Variants in EPHA4 observed in about 807,000 individuals in gnomAD.
The protein encoded by EPHA4 is ephrin type-A receptor 4.
In EPHA4, 19 loss-of-function variants were observed where a neutral mutation model predicts 108.3. The observed-to-expected ratio is 0.18, with a 90% CI of 0.12 to 0.26. The LOEUF is 0.26. Ranked by LOEUF, EPHA4 falls within the 10% of genes least tolerant of loss-of-function variation. EPHA4 has a pLI of 1.00. For missense variants in EPHA4, 917 were observed against 1,254.0 expected (o/e 0.73, Z 4.06); for synonymous variants, 449 against 455.5 (o/e 0.99, Z 0.18).
chr2:221,573,479 C>G (rs1355075089), upstream of EPHA4: 2 of 152,300 alleles, frequency 1.3e-5, no homozygotes, highest in African/African-American at 4.8e-5. The surrounding 1 kb of genome is among the most constrained non-coding windows in gnomAD (Gnocchi z 4.5). Flanking sequence ...GGACCGGTCC[C>G]CAACGCCACT....
intron 3 of EPHA4, among the ~76,000 whole-genome samples, chr2:221,536,058 CA>C (rs1693661077): frequency 6.6e-6 from 1 of 152,176 alleles, no homozygotes; most frequent in Admixed American, 6.5e-5. Flanking sequence ...TACAGTTTAC[CA>C]AGTTCCTATT....
At chr2:221,529,769 C>G (rs554227026) in intron 3 of EPHA4, among the ~76,000 whole-genome samples, 1 of 152,132 alleles carries the variant, frequency 6.6e-6, no homozygotes. Flanking sequence ...TCTCCAACAC[C>G]GAGGGTTTCT....
chr2:221,432,903 C>A (rs758327785), intron 14 of EPHA4, among the ~76,000 whole-genome samples: 5 of 146,826 alleles, frequency 3.4e-5, no homozygotes, highest in Non-Finnish European at 5.9e-5. Context: ...CTGCTCACTG[C>A]AATCTCTGCC....
chr2:221,445,263 C>G (rs1690556466), intron 9 of EPHA4, among the ~76,000 whole-genome samples: 1 of 152,132 alleles, frequency 6.6e-6, no homozygotes, highest in South Asian at 2.1e-4. Flanking sequence ...GTGGACAGCT[C>G]TCCTGGATAG....
intron 17 of EPHA4, among the ~76,000 whole-genome samples, chr2:221,423,775 A>C (rs189310640): frequency 0.058 from 8,821 of 151,084 alleles, 314 homozygotes; most frequent in Non-Finnish European, 0.075. Flanking sequence ...AAAAAAAAAA[A>C]CTTTTAATTA....
intron 3 of EPHA4, among the ~76,000 whole-genome samples, chr2:221,527,511 G>A (rs894635617): frequency 6.6e-5 from 10 of 152,184 alleles, no homozygotes; most frequent in Admixed American, 5.9e-4. Context: ...GGCCCACTGA[G>A]AGTCCACTCT....
rs576770487 is a variant in EPHA4 at position 221,533,870 on chromosome 2, C to A, written c.823+29861G>T. Among the ~76,000 whole-genome samples the A allele has an allele frequency of 2.7e-3, 412 of 152,172 alleles. 4 individuals are homozygous for A. Among genetic ancestry groups the A allele is most frequent in the Admixed American group, 4.6e-3 (70 of 15,286 alleles). On this transcript the variant is annotated intron_variant, in intron 3 of 17. Transcript: ENST00000281821. The stretch of plus-strand genomic sequence containing the variant: ...GTCACTTCTGGATACCATTGACAGG[C>A]AGACTCTTTGCCACCTTGGGTGCAT...
rs146027958 is a variant in EPHA4 at position 221,556,919 on chromosome 2, G to T, written c.823+6812C>A. On this transcript the variant is annotated intron_variant, in intron 3 of 17. Coordinates refer to ENST00000281821, the MANE Select transcript of EPHA4 (RefSeq NM_004438.5). ...AAAAAACATAATGTATAAGGGTTTG[G>T]TACTATTTGAGCTTTCAGCATCTAT... 1.8e-3 allele frequency among the ~76,000 whole-genome samples: 279 copies of T among 152,182 alleles called. 2 individuals are homozygous for T. Among genetic ancestry groups the T allele is most frequent in the African/African-American group, 6.4e-3 (267 of 41,518 alleles).
At chr2:221,472,660 G>A (rs1691525464) in intron 5 of EPHA4, among the ~76,000 whole-genome samples, 1 of 152,132 alleles carries the variant, frequency 6.6e-6, no homozygotes, top group South Asian at 2.1e-4. Context: ...TTGTGTACTG[G>A]AAGATATGAA....
At chr2:221,563,252 G>A (rs1471144421) in intron 3 of EPHA4, among the ~76,000 whole-genome samples, 1 of 152,136 alleles carries the variant, frequency 6.6e-6, no homozygotes, top group African/African-American at 2.4e-5. Context: ...TTCTTCACTC[G>A]ATTTTAGTCA....
chr2:221,502,264 A>G (rs1692509335), intron 3 of EPHA4, among the ~76,000 whole-genome samples: 1 of 152,134 alleles, frequency 6.6e-6, no homozygotes, highest in African/African-American at 2.4e-5. Context: ...CCAGATAAAA[A>G]TTGACCAACA....
At chr2:221,545,226 TCACGAGGTCGAGGTGGGC>T in intron 3 of EPHA4, among the ~76,000 whole-genome samples, 1 of 22,948 alleles carries the variant, frequency 4.4e-5, no homozygotes, top group East Asian at 4.7e-4. Flanking sequence ...GGTGGGCGGA[TCACGAGGTCGAGGTGGGC>T]GGATCACGAG....
intron 4 of EPHA4, among the ~76,000 whole-genome samples, chr2:221,499,804 C>T (rs1267960066): frequency 2.5e-5 from 3 of 122,312 alleles, no homozygotes; most frequent in African/African-American, 9.5e-5. Context: ...GTCACCCAGG[C>T]TGGAATGTAA....
intron 4 of EPHA4, among the ~76,000 whole-genome samples, chr2:221,488,721 A>G (rs1367242): frequency 0.42 from 63,995 of 151,950 alleles, 13,563 homozygotes; most frequent in East Asian, 0.53. Context: ...AAAATATCAC[A>G]TCATATCATG....
At chr2:221,462,135 T>C (rs191293309) in intron 5 of EPHA4, among the ~76,000 whole-genome samples, 1 of 152,190 alleles carries the variant, frequency 6.6e-6, no homozygotes, top group East Asian at 1.9e-4. Context: ...CATTCTTTAA[T>C]GGCTAGAATT....
intron 4 of EPHA4, among the ~76,000 whole-genome samples, chr2:221,486,504 A>G (rs1691976876): frequency 6.6e-6 from 1 of 151,954 alleles, no homozygotes; most frequent in Admixed American, 6.6e-5. Context: ...GCCAAAGTGG[A>G]TCACCTGAGG....
At chr2:221,501,218 T>C (rs2276627) in intron 3 of EPHA4, 46 bp from the exon 4 acceptor site, 21,280 of 1,500,392 alleles carry the variant, frequency 0.014, 574 homozygotes, top group Admixed American at 0.086. Flanking sequence ...CCACTGCAAA[T>C]AGACCAAAGC....
chr2:221,546,187 AG>A (rs1220904003), intron 3 of EPHA4, among the ~76,000 whole-genome samples: 2 of 152,128 alleles, frequency 1.3e-5, no homozygotes, highest in African/African-American at 2.4e-5. Flanking sequence ...GGGATGGGGG[AG>A]GGGGCAGCTG....
intron 3 of EPHA4, among the ~76,000 whole-genome samples, chr2:221,524,441 GAGGATGT>G (rs1249197502): frequency 1.3e-5 from 2 of 152,210 alleles, no homozygotes; most frequent in South Asian, 2.1e-4. Flanking sequence ...GAATGAGAAT[GAGGATGT>G]AGGCAGTGGT....
Sources: allele counts gnomAD v4.1 joint callset (sites outside exome capture counted in the v4.1 genomes callset), GRCh38; gene constraint gnomAD v4.1.1; non-coding constraint Gnocchi (gnomAD v3.1); transcripts MANE v1.5; gene names NCBI Gene and HGNC (gene_info 2026-07-23, HGNC 2026-07-21).